C1QTNF6: variants seen among roughly 807,000 people sequenced by gnomAD.
C1QTNF6 encodes the protein complement C1q tumor necrosis factor-related protein 6.
In C1QTNF6, 17 loss-of-function variants were observed where a neutral mutation model predicts 20.7. The ratio of observed to expected loss-of-function variants is 0.82; its 90% confidence interval spans 0.56 to 1.23. The LOEUF (loss-of-function observed/expected upper bound fraction) is 1.23. Ranked by LOEUF, C1QTNF6 falls within the 50% of genes most tolerant of loss-of-function variation. The pLI is 0.00. For missense variants in C1QTNF6, 329 were observed against 389.7 expected, an observed-to-expected ratio of 0.84 and a Z score of 1.31; for synonymous variants, 130 against 156.3, an observed-to-expected ratio of 0.83 and a Z score of 1.25.
chr22:37,195,194 C>T (rs910103044), intron 2 of C1QTNF6, among the ~76,000 whole-genome samples: 1 of 152,200 alleles, frequency 6.6e-6, no homozygotes, highest in African/African-American at 2.4e-5. Flanking sequence ...TTTCTCCTTA[C>T]CAAGGGACAT....
upstream of C1QTNF6, chr22:37,191,637 C>CCCTTAA (rs1924825484): frequency 6.6e-6 from 1 of 152,078 alleles, no homozygotes; most frequent in Non-Finnish European, 1.5e-5. Context: ...AATGATAACT[C>CCCTTAA]AAAGATGTTT....
At chr22:37,190,027 C>A (rs1156503568), upstream of C1QTNF6, among the ~76,000 whole-genome samples, 1 of 152,188 alleles carries the variant, frequency 6.6e-6, no homozygotes, top group Non-Finnish European at 1.5e-5. Flanking sequence ...TGTTATCCAT[C>A]CCTCTTGTTT....
rs1923806479 is a variant in C1QTNF6, at chr22:37,182,029, G to A, written c.*159C>T. ...GAAGAGAGGAGCAGAAATAGGCTGG[G>A]AGGGATGATGGCAGCCAAGATAGAA... On this transcript the variant is annotated 3_prime_UTR_variant, in exon 3 of 3. Coordinates refer to ENST00000337843, the MANE Select transcript of C1QTNF6 (RefSeq NM_031910.4). The A allele has an allele frequency of 1.4e-6, 1 of 731,390 alleles. No individual in the cohort carries two copies. The highest frequency in any genetic ancestry group is 2.2e-6 in the Non-Finnish European group (1 of 457,580). The allele number at this position is 731,390 out of a possible 1,614,324, so 45.3% of individuals were successfully genotyped here.
rs768593656 is a variant in C1QTNF6 at position 37,182,619 on chromosome 22, C to T, written c.406G>A (p.Gly136Ser). 28 of 1,613,548 alleles carry T rather than the reference C, an allele frequency of 1.7e-5. No individual in the cohort carries two copies. The highest frequency in any genetic ancestry group is 4.4e-5 in the South Asian group (4 of 91,086). The change falls in exon 3 of 3, where the codon GGC becomes AGC. Residue 136 changes from glycine (G) to serine (S), a missense_variant. Transcript: ENST00000337843. ...KGDKGEMGSP[G>S]APCQKRFFAF... is the part of the protein sequence containing the mutation. ...AAGAAGCGCTTCTGGCACGGGGCGC[C>T]GGGGCTGCCCATCTCCCCCTTGTCA...
chr22:37,185,821 G>GCCAT, intron 1 of C1QTNF6: 1 of 1,001,036 alleles, frequency 1.0e-6, no homozygotes, highest in Non-Finnish European at 1.2e-6. Flanking sequence ...GCCCCAGCTG[G>GCCAT]CCATGGGTGG....
chr22:37,193,941 G>A (rs1374330345), intron 2 of C1QTNF6, among the ~76,000 whole-genome samples: 3 of 152,196 alleles, frequency 2.0e-5, no homozygotes, highest in Admixed American at 1.3e-4. Context: ...TAGCTACTGA[G>A]CCACGGCACT....
At chr22:37,193,255 CA>C (rs1002956711), upstream of C1QTNF6, among the ~76,000 whole-genome samples, 1 of 152,180 alleles carries the variant, frequency 6.6e-6, no homozygotes, top group African/African-American at 2.4e-5. Flanking sequence ...TCAGATAACA[CA>C]ATACAAAACA....
chr22:37,184,351 T>G lies in C1QTNF6; in HGVS notation c.289+867A>C. On this transcript the variant is annotated intron_variant, in intron 2 of 2. Coordinates refer to ENST00000337843, the MANE Select transcript of C1QTNF6 (RefSeq NM_031910.4). This position sits in a 1 kb window ranked among gnomAD's most constrained non-coding sequence, Gnocchi z 4.0. ...AAAATATCGACCTCACGGGCTGTTG[T>G]GGGCAGAGACGGACGCTAAGGATGT... 2 of 717,180 alleles carry G rather than the reference T, an allele frequency of 2.8e-6. No homozygotes were observed. The highest frequency in any genetic ancestry group is 5.2e-6 in the Non-Finnish European group (2 of 385,030). 44.4% of individuals were successfully genotyped at this position (717,180 alleles called of 1,614,324 possible). A position where few individuals can be genotyped will look rare whatever the true frequency, so the allele number is the denominator to read the frequency against.
At position 37,182,056 on chromosome 22, in the gene C1QTNF6, C is replaced by T. The variant is rs1331099094; in HGVS notation, c.*132G>A. On this transcript the variant is annotated 3_prime_UTR_variant, in exon 3 of 3. Transcript: ENST00000337843. ...GGGATGATGGCAGCCAAGATAGAAG[C>T]AGGGTCTCCCCAGAATGCCAGGTCC... The T allele has an allele frequency of 4.2e-6, 4 of 957,044 alleles. No individual in the cohort carries two copies. The highest frequency in any genetic ancestry group is 6.0e-6 in the Non-Finnish European group (4 of 661,814). 59.3% of individuals were successfully genotyped at this position (957,044 alleles called of 1,614,324 possible).
At chr22:37,197,288 G>T (rs1164783322) in intron 1 of C1QTNF6, 1 of 152,276 alleles carries the variant, frequency 6.6e-6, no homozygotes, top group African/African-American at 2.4e-5. Flanking sequence ...GCAGAGGGAG[G>T]GAGCCAAGGG....
chr22:37,184,432 C>T lies in C1QTNF6; in HGVS notation c.289+786G>A. Reference sequence around the variant, plus strand: ...AGCCTGGAAGGGAAGCGAGTCCTTCCACGTCCTATTGAGAGAGCGGGTAGC... The same window carrying T: ...AGCCTGGAAGGGAAGCGAGTCCTTCTACGTCCTATTGAGAGAGCGGGTAGC... On this transcript the variant is annotated intron_variant, in intron 2 of 2. Transcript: ENST00000337843. This position sits in a 1 kb window ranked among gnomAD's most constrained non-coding sequence, Gnocchi z 4.0. 1.4e-6 allele frequency: 1 copy of T among 717,202 alleles called. No homozygotes were observed. The highest frequency in any genetic ancestry group is 2.7e-5 in the East Asian group (1 of 37,282). 44.4% of individuals were successfully genotyped at this position (717,202 alleles called of 1,614,324 possible). A position where few individuals can be genotyped will look rare whatever the true frequency, so the allele number is the denominator to read the frequency against.
rs569663804 is a variant in C1QTNF6, at chr22:37,182,696, T to C, written c.329A>G (p.Tyr110Cys). 1 of 1,612,558 alleles carries C rather than the reference T, an allele frequency of 6.2e-7. No individual in the cohort carries two copies. The highest frequency in any genetic ancestry group is 1.7e-5 in the Admixed American group (1 of 59,926). ...CCCTTGGGGACCCTCCCTGCCCATG[T>C]ACCCTGGCAGGCCCATTGGGCCTGG... ...GDPGPMGLPG[Y>C]MGREGPQGEP... The change falls in exon 3 of 3, where the codon TAC becomes TGC. Residue 110 changes from tyrosine to cysteine, a missense_variant. Tyr to Cys is a radical substitution (Grantham distance 194). Coordinates refer to ENST00000337843, the MANE Select transcript of C1QTNF6 (RefSeq NM_031910.4).
At chr22:37,199,083 C>A (rs1049206671), upstream of C1QTNF6, among the ~76,000 whole-genome samples, 5 of 152,212 alleles carry the variant, frequency 3.3e-5, no homozygotes, top group African/African-American at 9.6e-5. Context: ...GAGGGGAAAC[C>A]GAGACTCAGG....
intron 2 of C1QTNF6, among the ~76,000 whole-genome samples, chr22:37,193,516 G>GA (rs577696404): frequency 5.7e-4 from 87 of 151,568 alleles, no homozygotes; most frequent in African/African-American, 1.5e-3. Flanking sequence ...GCCAAGAAGA[G>GA]AAAAAAAAGC....
chr22:37,186,000 G>A (rs1924299833), intron 1 of C1QTNF6: 1 of 985,528 alleles, frequency 1.0e-6, no homozygotes, highest in Admixed American at 6.1e-5. Flanking sequence ...TCTCAGGAGA[G>A]GGGATGGGTG....
chr22:37,189,184 G>GT (rs1328925672), upstream of C1QTNF6, among the ~76,000 whole-genome samples: 5 of 152,192 alleles, frequency 3.3e-5, no homozygotes, highest in Non-Finnish European at 5.9e-5. Flanking sequence ...GCTGGTAGAA[G>GT]TGTGTTTTAG....
At chr22:37,196,738 C>CAGG (rs1451806549) in intron 1 of C1QTNF6, 1 of 152,220 alleles carries the variant, frequency 6.6e-6, no homozygotes, top group African/African-American at 2.4e-5. Context: ...GAGGGAGGTG[C>CAGG]AGGAGTGCGG....
chr22:37,188,407 TA>T, upstream of C1QTNF6: 2 of 486,910 alleles, frequency 4.1e-6, no homozygotes, highest in Non-Finnish European at 7.2e-6. Context: ...TCTGCGGAGA[TA>T]AAGGGAGGCA....
intron 2 of C1QTNF6, among the ~76,000 whole-genome samples, chr22:37,194,209 A>G (rs891439459): frequency 6.6e-6 from 1 of 152,184 alleles, no homozygotes; most frequent in Admixed American, 6.5e-5. Context: ...GTAACTGACG[A>G]GTTTGCTGGG....
Sources: allele counts gnomAD v4.1 joint callset (sites outside exome capture counted in the v4.1 genomes callset), GRCh38; gene constraint gnomAD v4.1.1; non-coding constraint Gnocchi (gnomAD v3.1); transcripts MANE v1.5; gene names NCBI Gene and HGNC (gene_info 2026-07-23, HGNC 2026-07-21).